The following RCOR3 variants were observed in gnomAD, a reference collection of about 807,000 sequenced individuals.
The protein encoded by RCOR3 is REST corepressor 3.
Under a neutral mutation model 64.1 loss-of-function variants are expected in RCOR3, and 13 were observed. That is an observed-to-expected ratio of 0.20 (90% CI 0.13 to 0.32). RCOR3 has a LOEUF of 0.32. RCOR3 is among the 10% of genes least tolerant of loss of function. RCOR3 has a pLI of 1.00. For synonymous variants in RCOR3, 215 were observed against 239.0 expected (o/e 0.90, Z 0.93); for missense variants, 489 against 701.2 (o/e 0.70, Z 3.42).
chr1:211,291,324 T>G (rs952159865), intron 8 of RCOR3, among the ~76,000 whole-genome samples: 1 of 152,218 alleles, frequency 6.6e-6, no homozygotes. Flanking sequence ...ATTTGAAACT[T>G]TTTGAGCACT....
rs1572028858 is a variant in RCOR3 at position 211,312,642 on chromosome 1, T to C, written c.1076-78T>C. On this transcript the variant is annotated intron_variant, in intron 10 of 11. Coordinates refer to ENST00000419091, the MANE Select transcript of RCOR3 (RefSeq NM_001136223.3). This position sits in a 1 kb window ranked among gnomAD's most constrained non-coding sequence, Gnocchi z 5.0. Reference sequence around the variant, plus strand: ...AAAGGAATTTCATTGCTGGTATCTTTTGTGTGTGCATGATGTATAGTACAC... The same window carrying C: ...AAAGGAATTTCATTGCTGGTATCTTCTGTGTGTGCATGATGTATAGTACAC... The C allele has an allele frequency of 4.2e-6, 4 of 955,768 alleles. No individual in the cohort carries two copies. The East Asian group carries it at 7.2e-5, about 17-fold the overall frequency. 59.2% of individuals were successfully genotyped at this position (955,768 alleles called of 1,614,324 possible).
chr1:211,262,869 ACTT>A (rs1459551801), intron 2 of RCOR3, among the ~76,000 whole-genome samples: 1 of 100,356 alleles, frequency 1.0e-5, no homozygotes, highest in Non-Finnish European at 2.5e-5. Context: ...TTTTTAAACA[ACTT>A]TTTTTTTTTA....
chr1:211,288,521 AATAAATTT>A (rs1171126289), intron 7 of RCOR3, among the ~76,000 whole-genome samples: 1 of 123,716 alleles, frequency 8.1e-6, no homozygotes, highest in African/African-American at 2.8e-5. Context: ...ATATATTTAT[AATAAATTT>A]ATAAATTATA....
chr1:211,275,787 G>A lies in RCOR3; in HGVS notation c.355-470G>A, dbSNP rs571766197. On this transcript the variant is annotated intron_variant, in intron 4 of 11. Coordinates refer to ENST00000419091, the MANE Select transcript of RCOR3 (RefSeq NM_001136223.3). Reference sequence around the variant, plus strand: ...TACTTTTACTTCTTGGACATGGTTAGCCTGTGATACACTTGTAAAAGATTA... The same window carrying A: ...TACTTTTACTTCTTGGACATGGTTAACCTGTGATACACTTGTAAAAGATTA... Among the ~76,000 whole-genome samples, 7 of 151,964 alleles carry A rather than the reference G, an allele frequency of 4.6e-5. No individual in the cohort carries two copies. In the East Asian group the frequency reaches 1.3e-3, roughly 29 times the overall value.
intron 8 of RCOR3, 150 bp downstream of exon 8, chr1:211,289,546 C>T (rs1698984033): frequency 1.6e-6 from 1 of 641,010 alleles, no homozygotes; most frequent in Non-Finnish European, 2.7e-6. Context: ...TTAAGTCCAA[C>T]TTAGAAGATA....
intron 7 of RCOR3, among the ~76,000 whole-genome samples, chr1:211,285,524 A>G (rs1014868759): frequency 1.3e-5 from 2 of 152,240 alleles, no homozygotes; most frequent in African/African-American, 4.8e-5. Context: ...TTCAGTGGTT[A>G]TAAGTGAGTT....
intron 2 of RCOR3, among the ~76,000 whole-genome samples, chr1:211,268,866 G>T (rs1026411548): frequency 6.6e-6 from 1 of 151,718 alleles, no homozygotes; most frequent in Non-Finnish European, 1.5e-5. Context: ...AACATACATA[G>T]AATTTTAAGA....
At chr1:211,293,024 C>G (rs1699415204) in intron 8 of RCOR3, among the ~76,000 whole-genome samples, 1 of 151,808 alleles carries the variant, frequency 6.6e-6, no homozygotes. Context: ...GCAGAGGTTG[C>G]AGTGAGCCGA....
chr1:211,284,727 G>A (rs1366266873), intron 7 of RCOR3, among the ~76,000 whole-genome samples: 1 of 151,844 alleles, frequency 6.6e-6, no homozygotes, highest in Non-Finnish European at 1.5e-5. Flanking sequence ...TTGCTACATT[G>A]TCCAGACTGG....
intron 9 of RCOR3, among the ~76,000 whole-genome samples, chr1:211,297,655 G>T (rs962481143): frequency 6.6e-6 from 1 of 152,100 alleles, no homozygotes; most frequent in African/African-American, 2.4e-5. Context: ...ATATACTGAA[G>T]TTTGGATATT....
In RCOR3 at chr1:211,289,286, A is replaced by G; in HGVS notation, c.829A>G (p.Lys277Glu). The stretch of plus-strand genomic sequence containing the variant: ...TCAGCGTTCTAAGTGCCGTCCACCT[A>G]AGGGCATGTATTTAACCCAGGAAGA... ...HSQRSKCRPP[K>E]GMYLTQEDVV... The change falls in exon 8 of 12, where the codon AAG (lysine) becomes GAG (glutamate). Residue 277 changes from lysine (K) to glutamate (E), a missense_variant. Coordinates refer to ENST00000419091, the MANE Select transcript of RCOR3 (RefSeq NM_001136223.3). 6.2e-7 allele frequency: 1 copy of G among 1,614,102 alleles called. No homozygotes were observed. Among genetic ancestry groups the G allele is most frequent in the Non-Finnish European group, 8.5e-7 (1 of 1,180,014 alleles).
intron 2 of RCOR3, among the ~76,000 whole-genome samples, chr1:211,264,910 A>G (rs1030009692): frequency 1.4e-4 from 22 of 152,224 alleles, no homozygotes; most frequent in Non-Finnish European, 2.8e-4. Flanking sequence ...ATCATGAGGA[A>G]CAATTTTTGT....
At chr1:211,290,251 C>T (rs1297090135) in intron 8 of RCOR3, among the ~76,000 whole-genome samples, 2 of 152,170 alleles carry the variant, frequency 1.3e-5, no homozygotes. Flanking sequence ...TGTGGCTTTT[C>T]TCAAGCTCCT....
At chr1:211,295,468 G>A (rs565070894) in intron 8 of RCOR3, among the ~76,000 whole-genome samples, 1 of 152,262 alleles carries the variant, frequency 6.6e-6, no homozygotes, top group South Asian at 2.1e-4. Context: ...AAGATATTCA[G>A]AGTGTTTTAG....
Position 211,294,506 on chromosome 1 carries a change from C to G in RCOR3, c.940-1170C>G, listed in dbSNP as rs551354593. Among the ~76,000 whole-genome samples, 6 of 151,908 alleles carry G rather than the reference C, an allele frequency of 3.9e-5. No homozygotes were observed. In the South Asian group the frequency reaches 1.0e-3, roughly 26 times the overall value. On this transcript the variant is annotated intron_variant, in intron 8 of 11. Transcript: ENST00000419091. ...CATTGAAGTTTTTTAATGTTGTGTC[C>G]CAACCTCTTTTACCCTACAAGCCCT...
chr1:211,281,165 G>C (rs1192023072), intron 7 of RCOR3, among the ~76,000 whole-genome samples: 1 of 152,042 alleles, frequency 6.6e-6, no homozygotes, highest in Admixed American at 6.6e-5. Flanking sequence ...GTTGTATTCT[G>C]CTTGTGCTTT....
chr1:211,259,897 T>A, intron 1 of RCOR3, 171 bp downstream of exon 1: 7 of 452,744 alleles, frequency 1.5e-5, no homozygotes, highest in Non-Finnish European at 2.2e-5. Flanking sequence ...CCCCCGTCCC[T>A]CCGCCCTCGA....
chr1:211,310,187 G>A (rs1701339787), intron 10 of RCOR3, among the ~76,000 whole-genome samples: 1 of 152,044 alleles, frequency 6.6e-6, no homozygotes. Context: ...TCACATCATG[G>A]TACACAGAGA....
At chr1:211,301,105 T>A (rs1056026163) in intron 9 of RCOR3, among the ~76,000 whole-genome samples, 3 of 152,112 alleles carry the variant, frequency 2.0e-5, no homozygotes, top group African/African-American at 2.4e-5. Flanking sequence ...AAAAAAAATT[T>A]AAAAAATAAT....
Sources: allele counts gnomAD v4.1 joint callset (sites outside exome capture counted in the v4.1 genomes callset), GRCh38; gene constraint gnomAD v4.1.1; non-coding constraint Gnocchi (gnomAD v3.1); transcripts MANE v1.5; gene names NCBI Gene and HGNC (gene_info 2026-07-23, HGNC 2026-07-21).